Variants in RAPH1 observed in about 807,000 individuals in gnomAD.
The protein encoded by RAPH1 is ras-associated and pleckstrin homology domains-containing protein 1.
Under a neutral mutation model 88.1 loss-of-function variants are expected in RAPH1, and 18 were observed. The observed-to-expected ratio is 0.20, with a 90% CI of 0.14 to 0.30. The LOEUF is 0.30. Among genes scored for constraint, RAPH1 ranks in the 10% least tolerant of loss-of-function variants. The pLI is 1.00. For synonymous variants in RAPH1, 587 were observed against 559.0 expected (o/e 1.05, Z -0.71); for missense variants, 1,448 against 1,543.2 (o/e 0.94, Z 1.03).
At chr2:203,446,909 T>TA (rs34766351) in intron 12 of RAPH1, 4,523 of 133,188 alleles carry the variant, frequency 0.034, 83 homozygotes, top group Non-Finnish European at 0.037. Flanking sequence ...CTGGCTAATT[T>TA]AAAAAAAAAA....
intron 1 of RAPH1, among the ~76,000 whole-genome samples, chr2:203,498,451 C>T (rs981051356): frequency 6.6e-6 from 1 of 152,064 alleles, no homozygotes; most frequent in Non-Finnish European, 1.5e-5. Context: ...CTCCACGAAC[C>T]ATTGTGATAG....
At chr2:203,505,205 A>C (rs1258262406) in intron 1 of RAPH1, among the ~76,000 whole-genome samples, 1 of 152,192 alleles carries the variant, frequency 6.6e-6, no homozygotes, top group African/African-American at 2.4e-5. Flanking sequence ...CAGGCTGCTG[A>C]TGAAGACAAA....
intron 4 of RAPH1, among the ~76,000 whole-genome samples, chr2:203,465,573 A>C (rs1381774439): frequency 1.3e-5 from 2 of 152,232 alleles, no homozygotes; most frequent in Non-Finnish European, 2.9e-5. Context: ...GTTATCACAT[A>C]TATTTGCCAA....
At chr2:203,481,878 G>A (rs1226802519) in intron 4 of RAPH1, among the ~76,000 whole-genome samples, 1 of 150,480 alleles carries the variant, frequency 6.6e-6, no homozygotes, top group Non-Finnish European at 1.5e-5. Flanking sequence ...TTAGGATTAC[G>A]GGCGTGAGCC....
At chr2:203,459,152 A>G (rs1193828836) in intron 7 of RAPH1, among the ~76,000 whole-genome samples, 1 of 152,210 alleles carries the variant, frequency 6.6e-6, no homozygotes, top group East Asian at 1.9e-4. Flanking sequence ...TACAGGAGTG[A>G]GCCATTGCGC....
chr2:203,516,051 T>C (rs1230380463), intron 1 of RAPH1, among the ~76,000 whole-genome samples: 2 of 152,162 alleles, frequency 1.3e-5, no homozygotes, highest in Admixed American at 6.5e-5. Context: ...AGCTTATGTA[T>C]AGATAATATA....
Position 203,439,428 on chromosome 2 carries a change from C to T in RAPH1, c.*9G>A. On this transcript the variant is annotated 3_prime_UTR_variant, in exon 14 of 14. Coordinates refer to ENST00000319170, the MANE Select transcript of RAPH1 (RefSeq NM_213589.3). ...TTACAGATATCATGAAAATAAAGTC[C>T]TATGGTGGCTACCAGTCTCTGGAGA... 6.2e-7 allele frequency: 1 copy of T among 1,611,508 alleles called. No homozygotes were observed. The highest frequency in any genetic ancestry group is 8.5e-7 in the Non-Finnish European group (1 of 1,178,248).
intron 4 of RAPH1, among the ~76,000 whole-genome samples, chr2:203,485,890 T>C (rs943642302): frequency 2.0e-5 from 3 of 152,132 alleles, no homozygotes; most frequent in African/African-American, 4.8e-5. Flanking sequence ...ATGTCAATAG[T>C]GCTGATAGCT....
chr2:203,461,775 A>T, intron 5 of RAPH1, 73 bp downstream of exon 5: 1 of 1,093,776 alleles, frequency 9.1e-7, no homozygotes, highest in Middle Eastern at 2.0e-4. Flanking sequence ...TACATTACAT[A>T]AACAAGGCAA....
intron 4 of RAPH1, among the ~76,000 whole-genome samples, chr2:203,474,176 AG>A (rs2098535451): frequency 6.6e-6 from 1 of 152,152 alleles, no homozygotes; most frequent in South Asian, 2.1e-4. Context: ...AAGAGGGCAA[AG>A]GGATATTTGA....
At position 203,436,525 on chromosome 2, in the gene RAPH1, T is replaced by G. The variant is rs568548966; in HGVS notation, c.*2912A>C. On this transcript the variant is annotated 3_prime_UTR_variant, in exon 14 of 14. Coordinates refer to ENST00000319170, the MANE Select transcript of RAPH1 (RefSeq NM_213589.3). ...TGCCCTACAGCATTGGTGCCAAAAC[T>G]CTAAGCATAGAGTGATTCTACTTTG... 2 of 152,224 alleles carry G rather than the reference T, an allele frequency of 1.3e-5. No individual in the cohort carries two copies. Among genetic ancestry groups the G allele is most frequent in the Admixed American group, 1.3e-4 (2 of 15,282 alleles). 9.4% of individuals were successfully genotyped at this position (152,224 alleles called of 1,614,324 possible).
chr2:203,463,623 C>A (rs1296169720), intron 4 of RAPH1, among the ~76,000 whole-genome samples: 1 of 152,160 alleles, frequency 6.6e-6, no homozygotes, highest in Non-Finnish European at 1.5e-5. Flanking sequence ...TCTGGAAATA[C>A]TATCTGTAAA....
intron 4 of RAPH1, among the ~76,000 whole-genome samples, chr2:203,463,553 T>C (rs979259899): frequency 2.0e-5 from 3 of 152,208 alleles, no homozygotes; most frequent in Non-Finnish European, 4.4e-5. Context: ...GTGGGCTTGG[T>C]TGCCAGAAAG....
intron 1 of RAPH1, among the ~76,000 whole-genome samples, chr2:203,508,573 G>A (rs1031178031): frequency 4.6e-5 from 7 of 151,976 alleles, no homozygotes; most frequent in African/African-American, 1.5e-4. Context: ...CTCCATATAC[G>A]TAGGTTTCAC....
At chr2:203,492,199 A>C (rs1688298268) in intron 2 of RAPH1, among the ~76,000 whole-genome samples, 1 of 147,694 alleles carries the variant, frequency 6.8e-6, no homozygotes, top group Non-Finnish European at 1.5e-5. Context: ...ACGCCACTGC[A>C]CTCCAGCCTG....
intron 2 of RAPH1, among the ~76,000 whole-genome samples, chr2:203,492,575 C>T (rs1581353347): frequency 6.6e-6 from 1 of 152,174 alleles, no homozygotes; most frequent in East Asian, 1.9e-4. Flanking sequence ...TGATACTCTT[C>T]CTCTCTAACC....
intron 10 of RAPH1, 97 bp downstream of exon 10, chr2:203,454,333 C>T: frequency 1.3e-6 from 1 of 786,642 alleles, no homozygotes; most frequent in Non-Finnish European, 2.0e-6. Context: ...AAAGCAAAAA[C>T]AGTATAATTG....
At position 203,441,340 on chromosome 2, in the gene RAPH1, G is replaced by T; in HGVS notation, c.1850C>A (p.Thr617Asn). Reference protein sequence around the residue: ...PPLSPQPKIVTPYTASQPSPP... With the variant: ...PPLSPQPKIVNPYTASQPSPP... ...TGAAGGCTGTGAAGCAGTGTAGGGG[G>T]TGACTATCTTAGGTTGCGGGGATAA... The change falls in exon 14 of 14, where the codon ACC (threonine) becomes AAC (asparagine). Residue 617 changes from threonine (T) to asparagine (N), a missense_variant. Coordinates refer to ENST00000319170, the MANE Select transcript of RAPH1 (RefSeq NM_213589.3). The T allele has an allele frequency of 1.3e-6, 2 of 1,577,798 alleles. No individual in the cohort carries two copies. Among genetic ancestry groups the T allele is most frequent in the South Asian group, 1.2e-5 (1 of 83,154 alleles).
intron 5 of RAPH1, 104 bp downstream of exon 5, chr2:203,461,744 T>G: frequency 1.3e-6 from 1 of 748,608 alleles, no homozygotes; most frequent in Non-Finnish European, 2.1e-6. Context: ...AATGCCCCTG[T>G]ATCTCTCCAT....
Sources: allele counts gnomAD v4.1 joint callset (sites outside exome capture counted in the v4.1 genomes callset), GRCh38; gene constraint gnomAD v4.1.1; transcripts MANE v1.5; gene names NCBI Gene and HGNC (gene_info 2026-07-23, HGNC 2026-07-21).